DMD: variants seen among roughly 807,000 people sequenced by gnomAD.
DMD encodes dystrophin.
In DMD, 63 loss-of-function variants were observed where a neutral mutation model predicts 330.1. That is an observed-to-expected ratio of 0.19 (90% CI 0.16 to 0.24). The LOEUF (loss-of-function observed/expected upper bound fraction) is 0.24. Ranked by LOEUF, DMD falls within the 10% of genes least tolerant of loss-of-function variation. The pLI is 1.00. For synonymous variants in DMD, 1,223 were observed against 959.8 expected (o/e 1.27, Z -5.07); for missense variants, 3,344 against 2,684.1 (o/e 1.25, Z -5.43).
chrX:32,871,584 T>C (rs755769950), intron 2 of DMD, among the ~76,000 whole-genome samples: 1 of 111,498 alleles, frequency 9.0e-6, no homozygotes, highest in East Asian at 2.8e-4. Flanking sequence ...CCTTAGTATA[T>C]TGAGCACCAA....
rs559104990 is a variant in DMD at position 31,293,204 on chromosome X, A to AGTGTGTGTGTGT, written c.9224+30382_9224+30393dup. Among the ~76,000 whole-genome samples, 208 of 58,484 alleles carry AGTGTGTGTGTGT rather than the reference A, an allele frequency of 3.6e-3. 4 individuals carry two copies. The highest frequency in any genetic ancestry group is 0.013 in the African/African-American group (184 of 13,827). The allele number at this position is 58,484 out of a possible 115,157, so 50.8% of individuals were successfully genotyped here. On this transcript the variant is annotated intron_variant, in intron 62 of 78. Transcript: ENST00000357033. The stretch of plus-strand genomic sequence containing the variant: ...TGTGTGTGTGTGTGTAGTCTGGTTT[A>AGTGTGTGTGTGT]GTGTGTGTGTGTGTGTGTGTGTGTG...
intron 2 of DMD, among the ~76,000 whole-genome samples, chrX:32,929,219 T>C (rs2089367849): frequency 9.0e-6 from 1 of 111,125 alleles, no homozygotes; most frequent in African/African-American, 3.3e-5. Context: ...TCTGTAGGTG[T>C]AATTATATTA....
At chrX:31,220,877 ATTTTTT>A (rs66621875) in intron 64 of DMD, among the ~76,000 whole-genome samples, 3 of 69,461 alleles carry the variant, frequency 4.3e-5, no homozygotes, top group Non-Finnish European at 7.8e-5. Flanking sequence ...TTCCTAAAAC[ATTTTTT>A]TTTTTTTTTG....
intron 12 of DMD, among the ~76,000 whole-genome samples, chrX:32,598,551 T>A (rs1484646292): frequency 2.7e-5 from 3 of 112,136 alleles, no homozygotes; most frequent in Non-Finnish European, 5.6e-5. Flanking sequence ...TACAAGTAAA[T>A]AATGCCAGTT....
intron 55 of DMD, among the ~76,000 whole-genome samples, chrX:31,520,654 T>C (rs1201133094): frequency 9.0e-6 from 1 of 111,374 alleles, no homozygotes; most frequent in Non-Finnish European, 1.9e-5. Context: ...ATTTTTTGTG[T>C]CCTTGTGCCA....
chrX:31,635,561 C>T (rs985273890), intron 54 of DMD, among the ~76,000 whole-genome samples: 3 of 111,541 alleles, frequency 2.7e-5, no homozygotes, highest in African/African-American at 9.8e-5. Flanking sequence ...ATGGCAAACA[C>T]ACAACAGATT....
chrX:32,800,605 C>T (rs1302803725), intron 7 of DMD, among the ~76,000 whole-genome samples: 3 of 111,064 alleles, frequency 2.7e-5, no homozygotes, highest in Admixed American at 9.6e-5. Context: ...ATGTGCAGAA[C>T]GTGCAGGTTT....
At chrX:32,850,243 C>T (rs1338855127) in intron 2 of DMD, among the ~76,000 whole-genome samples, 1 of 111,326 alleles carries the variant, frequency 9.0e-6, no homozygotes, top group African/African-American at 3.3e-5. Context: ...CAGAGTGGTT[C>T]GACATCCTTA....
chrX:32,132,828 A>G (rs895125592), intron 44 of DMD, among the ~76,000 whole-genome samples: 21 of 110,311 alleles, frequency 1.9e-4, no homozygotes, highest in African/African-American at 7.0e-4. Flanking sequence ...TTAACATGTT[A>G]TATCTAAAAA....
chrX:32,963,653 T>A (rs1602256405), intron 2 of DMD, among the ~76,000 whole-genome samples: 2 of 112,219 alleles, frequency 1.8e-5, no homozygotes, highest in East Asian at 2.8e-4. Flanking sequence ...GCCTAGTAAA[T>A]GTTAATTACT....
chrX:32,730,148 T>C (rs151176884), intron 7 of DMD, among the ~76,000 whole-genome samples: 96 of 111,387 alleles, frequency 8.6e-4, no homozygotes, highest in African/African-American at 3.0e-3. Context: ...ACCGGGGCAA[T>C]GAAGCAAGAC....
intron 1 of DMD, among the ~76,000 whole-genome samples, chrX:33,270,669 T>C (rs2053138623): frequency 8.9e-6 from 1 of 111,933 alleles, no homozygotes; most frequent in Non-Finnish European, 1.9e-5. Flanking sequence ...TAGGAAATGT[T>C]AACACCTTCC....
At chrX:31,579,046 C>T (rs1299941225) in intron 55 of DMD, among the ~76,000 whole-genome samples, 4 of 111,670 alleles carry the variant, frequency 3.6e-5, no homozygotes, top group Admixed American at 9.5e-5. Flanking sequence ...TTAGAGTCTT[C>T]GGCCAGCTTA....
intron 54 of DMD, among the ~76,000 whole-genome samples, chrX:31,648,756 C>T (rs1370537675): frequency 9.7e-6 from 1 of 102,700 alleles, no homozygotes; most frequent in Admixed American, 1.1e-4. Context: ...TCATTAATAC[C>T]TATATGTCCA....
chrX:31,973,290 G>A (rs1252238041), intron 44 of DMD, among the ~76,000 whole-genome samples: 1 of 104,048 alleles, frequency 9.6e-6, no homozygotes, highest in Non-Finnish European at 2.0e-5. Flanking sequence ...GGGCAAAATA[G>A]TATAGAAAAA....
At chrX:32,634,806 TG>T (rs1177177711) in intron 11 of DMD, among the ~76,000 whole-genome samples, 1 of 111,744 alleles carries the variant, frequency 8.9e-6, no homozygotes, top group Non-Finnish European at 1.9e-5. Flanking sequence ...TGCCTGGGGT[TG>T]GGGGAAGGGA....
chrX:33,316,021 C>T (rs908487853), intron 1 of DMD, among the ~76,000 whole-genome samples: 1 of 110,469 alleles, frequency 9.1e-6, no homozygotes, highest in Admixed American at 9.8e-5. Flanking sequence ...GAAAACTACC[C>T]TTTCCTATAT....
intron 37 of DMD, among the ~76,000 whole-genome samples, chrX:32,352,175 T>C (rs919142400): frequency 9.0e-6 from 1 of 110,705 alleles, no homozygotes; most frequent in Admixed American, 9.7e-5. Context: ...TAAATGTTTA[T>C]AAGCAGAGAC....
At chrX:33,250,950 C>A (rs964822959) in intron 1 of DMD, among the ~76,000 whole-genome samples, 1 of 110,757 alleles carries the variant, frequency 9.0e-6, no homozygotes, top group African/African-American at 3.3e-5. Flanking sequence ...GAATGAGAAT[C>A]ACATTTTATA....
Sources: allele counts gnomAD v4.1 joint callset (sites outside exome capture counted in the v4.1 genomes callset), GRCh38; gene constraint gnomAD v4.1.1; transcripts MANE v1.5; gene names NCBI Gene and HGNC (gene_info 2026-07-23, HGNC 2026-07-21).